The following CNTNAP5 variants were observed in gnomAD, a reference collection of about 807,000 sequenced individuals.
CNTNAP5 encodes the protein contactin-associated protein-like 5.
Under a neutral mutation model 150.2 loss-of-function variants are expected in CNTNAP5, and 72 were observed. The observed-to-expected ratio is 0.48, with a 90% CI of 0.40 to 0.58. The LOEUF (loss-of-function observed/expected upper bound fraction) is 0.58. Ranked by LOEUF, CNTNAP5 falls within the 20% of genes least tolerant of loss-of-function variation. The pLI, the probability that CNTNAP5 is intolerant of heterozygous loss-of-function variation, is 0.00. For synonymous variants in CNTNAP5, 672 were observed against 619.8 expected (o/e 1.08, Z -1.25); for missense variants, 1,636 against 1,626.2 (o/e 1.01, Z -0.10).
chr2:124,758,579 A>C (rs1404673776), intron 14 of CNTNAP5, among the ~76,000 whole-genome samples: 4 of 152,090 alleles, frequency 2.6e-5, no homozygotes, highest in Non-Finnish European at 4.4e-5. Context: ...CAGTGGACTG[A>C]AGGGGAAAAA....
intron 1 of CNTNAP5, among the ~76,000 whole-genome samples, chr2:124,171,249 C>T (rs910161160): frequency 7.2e-5 from 11 of 152,268 alleles, no homozygotes; most frequent in East Asian, 1.9e-4. Context: ...GAAGCTGCTT[C>T]GTGTCCTTCA....
At chr2:124,773,868 C>T (rs1383742013) in intron 17 of CNTNAP5, among the ~76,000 whole-genome samples, 2 of 141,726 alleles carry the variant, frequency 1.4e-5, no homozygotes, top group African/African-American at 5.3e-5. Flanking sequence ...ATTTTGTTTC[C>T]CTTGACATAA....
At chr2:124,097,514 A>G (rs916408853) in intron 1 of CNTNAP5, among the ~76,000 whole-genome samples, 2 of 152,152 alleles carry the variant, frequency 1.3e-5, no homozygotes, top group Non-Finnish European at 2.9e-5. Flanking sequence ...CGCCACTCTC[A>G]CCTTGGAACC....
At chr2:124,293,241 C>T (rs1323723761) in intron 3 of CNTNAP5, among the ~76,000 whole-genome samples, 5 of 151,900 alleles carry the variant, frequency 3.3e-5, no homozygotes, top group Non-Finnish European at 7.4e-5. Context: ...TAGGATAGTT[C>T]TACTTCCTCT....
chr2:124,318,169 C>T (rs1196487982), intron 3 of CNTNAP5, among the ~76,000 whole-genome samples: 1 of 152,080 alleles, frequency 6.6e-6, no homozygotes, highest in Non-Finnish European at 1.5e-5. Flanking sequence ...ATTGCTTGGC[C>T]CCAAAACTAC....
chr2:124,507,651 T>C (rs1305382296), intron 8 of CNTNAP5, among the ~76,000 whole-genome samples: 1 of 152,174 alleles, frequency 6.6e-6, no homozygotes, highest in Non-Finnish European at 1.5e-5. Flanking sequence ...TTTTAAATGT[T>C]TGGACTCTCA....
At chr2:124,589,840 T>C (rs1198175232) in intron 11 of CNTNAP5, among the ~76,000 whole-genome samples, 2 of 152,174 alleles carry the variant, frequency 1.3e-5, no homozygotes, top group East Asian at 3.9e-4. Flanking sequence ...AGCAGAATAG[T>C]TTCATCATGA....
chr2:124,805,808 C>A (rs1682068792), intron 19 of CNTNAP5, among the ~76,000 whole-genome samples: 1 of 152,152 alleles, frequency 6.6e-6, no homozygotes, highest in African/African-American at 2.4e-5. Flanking sequence ...GTGTTGGCCA[C>A]CTTTCCCTGT....
chr2:124,298,063 T>C (rs1217533183), intron 3 of CNTNAP5, among the ~76,000 whole-genome samples: 1 of 152,126 alleles, frequency 6.6e-6, no homozygotes, highest in Admixed American at 6.6e-5. Context: ...CAGGCTGATC[T>C]CTAACTCCTG....
At chr2:124,098,511 G>A (rs1414641871) in intron 1 of CNTNAP5, among the ~76,000 whole-genome samples, 4 of 152,098 alleles carry the variant, frequency 2.6e-5, no homozygotes, top group Admixed American at 1.3e-4. Context: ...ATATACTATG[G>A]GCTAGAGATG....
intron 13 of CNTNAP5, among the ~76,000 whole-genome samples, chr2:124,708,742 G>T (rs1390582562): frequency 6.6e-6 from 1 of 152,102 alleles, no homozygotes; most frequent in African/African-American, 2.4e-5. Flanking sequence ...GGTGGCGGTG[G>T]ATTCCCCCAT....
chr2:124,580,837 T>A (rs146404730), intron 11 of CNTNAP5, among the ~76,000 whole-genome samples: 1 of 152,342 alleles, frequency 6.6e-6, no homozygotes, highest in East Asian at 1.9e-4. Flanking sequence ...CTTTGCTGAA[T>A]GATAAAATAG....
chr2:124,885,408 C>T (rs1335810737), intron 21 of CNTNAP5, among the ~76,000 whole-genome samples: 1 of 151,880 alleles, frequency 6.6e-6, no homozygotes, highest in Non-Finnish European at 1.5e-5. Flanking sequence ...ATCCTCAGAC[C>T]ATTATAATAC....
intron 6 of CNTNAP5, among the ~76,000 whole-genome samples, chr2:124,461,885 C>T (rs555488702): frequency 7.3e-6 from 1 of 136,606 alleles, no homozygotes; most frequent in African/African-American, 2.7e-5. Flanking sequence ...AAAAAAAAGT[C>T]GTTTTTTATC....
At chr2:124,622,024 C>A (rs556017280) in intron 12 of CNTNAP5, among the ~76,000 whole-genome samples, 1 of 151,818 alleles carries the variant, frequency 6.6e-6, no homozygotes, top group Non-Finnish European at 1.5e-5. Flanking sequence ...CATAGGTAAA[C>A]GTGTGCCGTG....
intron 1 of CNTNAP5, among the ~76,000 whole-genome samples, chr2:124,065,828 AAAAAATCC>A (rs1243751284): frequency 6.6e-6 from 1 of 152,202 alleles, no homozygotes; most frequent in Non-Finnish European, 1.5e-5. Flanking sequence ...AATCAAAAGT[AAAAAATCC>A]AATTTAGTTC....
chr2:124,804,621 TTGAATGCCATG>T (rs1226235252), intron 19 of CNTNAP5, among the ~76,000 whole-genome samples: 1 of 152,032 alleles, frequency 6.6e-6, no homozygotes, highest in African/African-American at 2.4e-5. Context: ...TGCTCTCTCT[TTGAATGCCATG>T]TGAGGACACT....
chr2:124,887,914 T>C (rs1678113939), intron 21 of CNTNAP5, among the ~76,000 whole-genome samples: 2 of 152,074 alleles, frequency 1.3e-5, no homozygotes, highest in Non-Finnish European at 2.9e-5. Flanking sequence ...TGAGAAGTCA[T>C]CAATGATTTT....
intron 18 of CNTNAP5, among the ~76,000 whole-genome samples, chr2:124,797,818 AG>A (rs1681879249): frequency 6.6e-6 from 1 of 152,234 alleles, no homozygotes. Context: ...ATGTATGTAG[AG>A]CTGGACTTAA....
Sources: allele counts gnomAD v4.1 joint callset (sites outside exome capture counted in the v4.1 genomes callset), GRCh38; gene constraint gnomAD v4.1.1; transcripts MANE v1.5; gene names NCBI Gene and HGNC (gene_info 2026-07-23, HGNC 2026-07-21).